The following DRAM1 variants were observed in gnomAD, a reference collection of about 807,000 sequenced individuals.
DRAM1 encodes the protein DNA damage regulated autophagy modulator 1, also known as DNA damage-regulated autophagy modulator protein 1.
DRAM1 carries 25 observed loss-of-function variants against 28.5 expected under a neutral mutation model. The observed-to-expected ratio is 0.88, with a 90% CI of 0.64 to 1.23. The LOEUF is 1.23. Ranked by LOEUF, DRAM1 falls within the 50% of genes most tolerant of loss-of-function variation. DRAM1 has a pLI of 0.00. For synonymous variants in DRAM1, 113 were observed against 114.2 expected, an observed-to-expected ratio of 0.99 and a Z score of 0.07; for missense variants, 249 against 299.2, an observed-to-expected ratio of 0.83 and a Z score of 1.24.
At chr12:101,897,007 G>A (rs1873400545) in intron 1 of DRAM1, among the ~76,000 whole-genome samples, 1 of 151,764 alleles carries the variant, frequency 6.6e-6, no homozygotes, top group Non-Finnish European at 1.5e-5. Flanking sequence ...GGCTGGTCTC[G>A]AACTTCTGAC....
chr12:101,895,335 G>C (rs1268331161), intron 1 of DRAM1, among the ~76,000 whole-genome samples: 1 of 150,582 alleles, frequency 6.6e-6, no homozygotes, highest in Non-Finnish European at 1.5e-5. Context: ...GCTGTACCAT[G>C]CCCAGTTAAT....
intron 5 of DRAM1, among the ~76,000 whole-genome samples, chr12:101,914,963 A>G (rs536919879): frequency 4.6e-4 from 57 of 123,814 alleles, no homozygotes; most frequent in Admixed American, 3.9e-3. Context: ...CGTCCCTCTA[A>G]TTTCTTCCTT....
At chr12:101,896,461 T>C (rs1368651634) in intron 1 of DRAM1, among the ~76,000 whole-genome samples, 1 of 152,114 alleles carries the variant, frequency 6.6e-6, no homozygotes, top group African/African-American at 2.4e-5. Flanking sequence ...AGCTTGGCAC[T>C]AATAGAAAAT....
chr12:101,922,852 C>A lies in DRAM1; in HGVS notation c.*1592C>A, dbSNP rs1335147292. The A allele has an allele frequency of 6.6e-6, 1 of 152,180 alleles. No homozygotes were observed. Among genetic ancestry groups the A allele is most frequent in the South Asian group, 2.1e-4 (1 of 4,834 alleles). The allele number at this position is 152,180 out of a possible 1,614,324, so 9.4% of individuals were successfully genotyped here. ...GTGGCTCACACCTGTATTCCCAGCA[C>A]TTTGGGAGGCCTAGGCAGGAGGATT... On this transcript the variant is annotated 3_prime_UTR_variant, in exon 7 of 7. Transcript: ENST00000258534.
intron 1 of DRAM1, among the ~76,000 whole-genome samples, chr12:101,887,759 G>A (rs1040657825): frequency 6.6e-6 from 1 of 151,824 alleles, no homozygotes; most frequent in Non-Finnish European, 1.5e-5. Flanking sequence ...GGCTGGTCTC[G>A]AACTCCTGAC....
intron 5 of DRAM1, among the ~76,000 whole-genome samples, chr12:101,915,128 T>C (rs905823632): frequency 1.3e-5 from 2 of 151,924 alleles, no homozygotes; most frequent in African/African-American, 4.8e-5. Flanking sequence ...TATAGGCGCC[T>C]GCCACCACCC....
rs1185538100 is a variant in DRAM1, at chr12:101,897,919, C to G, written c.188C>G (p.Ser63Cys). Residue 63 changes from serine (S) to cysteine (C), a missense_variant, in exon 2 of 7, where the codon TCT becomes TGT. Physicochemically the swap from Ser to Cys is moderately radical, Grantham distance 112. Transcript: ENST00000258534. ...ATTTTTGGATTTATGATAAACTTCTCTGCATTTCTTGGTAAGTACACAATA... is the reference window on the plus strand; with the variant it reads ...ATTTTTGGATTTATGATAAACTTCTGTGCATTTCTTGGTAAGTACACAATA... ...SGIFGFMINF[S>C]AFLGAATMYT... is the part of the protein sequence containing the mutation. The G allele has an allele frequency of 1.3e-6, 2 of 1,599,604 alleles. No individual in the cohort carries two copies. The highest frequency in any genetic ancestry group is 1.7e-6 in the Non-Finnish European group (2 of 1,167,392).
chr12:101,895,566 A>ATTTTTGG lies in DRAM1; in HGVS notation c.132-2292_132-2291insGGTTTTT, dbSNP rs61325494. ...AAAGGCATTTGCTGTAAGGGAGGCT[A>ATTTTTGG]TTTTTTTTTTTTTTTTTTTTTTGAG... On this transcript the variant is annotated intron_variant, in intron 1 of 6. Transcript: ENST00000258534. 1.8e-3 allele frequency among the ~76,000 whole-genome samples: 189 copies of ATTTTTGG among 103,404 alleles called. 13 individuals carry two copies. The highest frequency in any genetic ancestry group is 5.8e-3 in the South Asian group (19 of 3,256). The allele number at this position is 103,404 out of a possible 152,430, so 67.8% of individuals were successfully genotyped here. A position where few individuals can be genotyped will look rare whatever the true frequency, so the allele number is the denominator to read the frequency against.
intron 1 of DRAM1, among the ~76,000 whole-genome samples, chr12:101,887,827 C>T (rs549746397): frequency 6.6e-6 from 1 of 152,274 alleles, no homozygotes; most frequent in Admixed American, 6.5e-5. Flanking sequence ...GCATGAGCCA[C>T]TGTGCCTGGC....
At chr12:101,886,477 G>T (rs756534) in intron 1 of DRAM1, among the ~76,000 whole-genome samples, 100,426 of 152,102 alleles carry the variant, frequency 0.66, 34,895 homozygotes, top group East Asian at 0.91. Flanking sequence ...TCCACATTGG[G>T]CTGGATAGGA....
intron 5 of DRAM1, among the ~76,000 whole-genome samples, chr12:101,915,245 C>T (rs35920088): frequency 0.027 from 4,123 of 152,216 alleles, 113 homozygotes; most frequent in South Asian, 0.11. Context: ...TCCCAAAATG[C>T]TGGGATTACA....
chr12:101,881,709 T>A (rs1366577476), intron 1 of DRAM1, among the ~76,000 whole-genome samples: 1 of 152,182 alleles, frequency 6.6e-6, no homozygotes, highest in East Asian at 1.9e-4. Flanking sequence ...GTTTTTCACT[T>A]ACCTCCTTTG....
chr12:101,901,643 T>C lies in DRAM1; in HGVS notation c.342+210T>C, dbSNP rs1000720655. 11 of 530,106 alleles carry C rather than the reference T, an allele frequency of 2.1e-5. No homozygotes were observed. In the African/African-American group the frequency reaches 2.1e-4, roughly 10 times the overall value. 32.8% of individuals were successfully genotyped at this position (530,106 alleles called of 1,614,324 possible). The stretch of plus-strand genomic sequence containing the variant: ...GCTCACACCTGTAATCCCAGCACTT[T>C]GGGAAACTGAGGTGGATCATGAGAC... On this transcript the variant is annotated intron_variant, in intron 3 of 6. Transcript: ENST00000258534.
chr12:101,906,459 T>G (rs1224530945), intron 3 of DRAM1, among the ~76,000 whole-genome samples: 1 of 152,196 alleles, frequency 6.6e-6, no homozygotes, highest in Non-Finnish European at 1.5e-5. Context: ...GACAACACTT[T>G]AACTTGCCCT....
intron 5 of DRAM1, among the ~76,000 whole-genome samples, chr12:101,915,804 C>T (rs1874219688): frequency 1.3e-5 from 2 of 152,096 alleles, no homozygotes; most frequent in Non-Finnish European, 2.9e-5. Flanking sequence ...TCGTGATCTG[C>T]CCTCCTTGGC....
chr12:101,879,278 G>A (rs1384857165), intron 1 of DRAM1, among the ~76,000 whole-genome samples: 2 of 152,198 alleles, frequency 1.3e-5, no homozygotes, highest in African/African-American at 4.8e-5. Flanking sequence ...GATTACAGGT[G>A]TGAGCCAGTG....
intron 1 of DRAM1, among the ~76,000 whole-genome samples, chr12:101,882,835 CTTTTTTTTTT>C (rs35171315): frequency 8.9e-6 from 1 of 112,576 alleles, no homozygotes; most frequent in Non-Finnish European, 1.7e-5. Flanking sequence ...ATGCAACAGC[CTTTTTTTTTT>C]TTTTTTTTTT....
chr12:101,914,775 A>T (rs1167593674), intron 5 of DRAM1, among the ~76,000 whole-genome samples: 1 of 151,912 alleles, frequency 6.6e-6, no homozygotes, highest in Non-Finnish European at 1.5e-5. Flanking sequence ...CTTGTGCCTC[A>T]GCCTCCCGAG....
chr12:101,902,287 AT>A (rs1295989305), intron 3 of DRAM1, among the ~76,000 whole-genome samples: 1 of 152,148 alleles, frequency 6.6e-6, no homozygotes, highest in Non-Finnish European at 1.5e-5. Flanking sequence ...TATTTTCCCC[AT>A]TTATCAATGG....
Sources: allele counts gnomAD v4.1 joint callset (sites outside exome capture counted in the v4.1 genomes callset), GRCh38; gene constraint gnomAD v4.1.1; transcripts MANE v1.5; gene names NCBI Gene and HGNC (gene_info 2026-07-23, HGNC 2026-07-21).